CADPS2: variants seen among roughly 807,000 people sequenced by gnomAD.
CADPS2 encodes calcium-dependent secretion activator 2.
A neutral mutation model predicts 172.5 loss-of-function variants in CADPS2; 93 were observed. That is an observed-to-expected ratio of 0.54 (90% CI 0.46 to 0.64). The LOEUF (loss-of-function observed/expected upper bound fraction) is 0.64, where lower values mean the gene tolerates loss of function less well. Among genes scored for constraint, CADPS2 ranks in the 30% least tolerant of loss-of-function variants. CADPS2 has a pLI of 0.00. For synonymous variants in CADPS2, 546 were observed against 555.2 expected (o/e 0.98, Z 0.23); for missense variants, 1,420 against 1,565.9 (o/e 0.91, Z 1.57).
intron 2 of CADPS2, among the ~76,000 whole-genome samples, chr7:122,686,640 A>C (rs1258143870): frequency 2.0e-5 from 3 of 152,190 alleles, no homozygotes; most frequent in Non-Finnish European, 4.4e-5. Flanking sequence ...AAGTGAATGC[A>C]GGTGGTCTGA....
intron 20 of CADPS2, among the ~76,000 whole-genome samples, chr7:122,406,654 T>C (rs911118362): frequency 8.5e-5 from 13 of 152,190 alleles, no homozygotes; most frequent in Non-Finnish European, 1.8e-4. Context: ...GACAGAGTTG[T>C]TTTATATAGG....
At chr7:122,351,935 T>C (rs193103732) in intron 27 of CADPS2, among the ~76,000 whole-genome samples, 2 of 152,288 alleles carry the variant, frequency 1.3e-5, no homozygotes, top group African/African-American at 4.8e-5. Flanking sequence ...ATGGGGAAAA[T>C]CCTTTCAAAG....
chr7:122,698,471 C>A, intron 2 of CADPS2: 1 of 1,613,908 alleles, frequency 6.2e-7, no homozygotes, highest in Non-Finnish European at 8.5e-7. Context: ...ACCACAACGA[C>A]ATCTTCAAAT....
intron 27 of CADPS2, among the ~76,000 whole-genome samples, chr7:122,351,200 C>T (rs1482238917): frequency 1.3e-5 from 2 of 150,574 alleles, no homozygotes; most frequent in Non-Finnish European, 3.0e-5. Context: ...TACTAAACAT[C>T]GTCTCTACTA....
chr7:122,695,488 G>C (rs1378002831), intron 2 of CADPS2, among the ~76,000 whole-genome samples: 1 of 152,072 alleles, frequency 6.6e-6, no homozygotes, highest in Non-Finnish European at 1.5e-5. Flanking sequence ...AGAGTAAAAG[G>C]GGTTTATTGA....
intron 3 of CADPS2, among the ~76,000 whole-genome samples, chr7:122,636,938 G>A (rs2077123473): frequency 1.3e-5 from 2 of 151,956 alleles, no homozygotes; most frequent in Admixed American, 6.6e-5. Flanking sequence ...ATCCTCTAAT[G>A]TTTTCCAAGT....
chr7:122,660,391 A>G (rs1464960403), intron 3 of CADPS2, among the ~76,000 whole-genome samples: 1 of 152,166 alleles, frequency 6.6e-6, no homozygotes, highest in African/African-American at 2.4e-5. Context: ...AAAAAAATGT[A>G]TAAGCAGTAC....
chr7:122,780,759 C>G (rs995183813), intron 1 of CADPS2, among the ~76,000 whole-genome samples: 1 of 152,196 alleles, frequency 6.6e-6, no homozygotes, highest in Admixed American at 6.5e-5. Flanking sequence ...TCTTCCACCT[C>G]AGCCTCCCAA....
intron 9 of CADPS2, among the ~76,000 whole-genome samples, chr7:122,495,848 A>G (rs2058692636): frequency 6.6e-6 from 1 of 152,080 alleles, no homozygotes. Context: ...GCCAACTTTG[A>G]TGGGTGGGAA....
rs1814001642 is a variant in CADPS2, at chr7:122,852,677, G to A, written c.339+33322C>T. Among the ~76,000 whole-genome samples the A allele has an allele frequency of 2.6e-5, 4 of 152,138 alleles. No homozygotes were observed. The South Asian group carries it at 8.3e-4, about 31-fold the overall frequency. ...TGGCAGTTCCACGAACAGCAAAGAG[G>A]CAAGTTTTAGCTGGAGCAGAGAGAG... On this transcript the variant is annotated intron_variant, in intron 1 of 29. Coordinates refer to ENST00000449022, the MANE Select transcript of CADPS2 (RefSeq NM_017954.11).
At chr7:122,416,907 A>C (rs776656073) in intron 17 of CADPS2, among the ~76,000 whole-genome samples, 4 of 152,240 alleles carry the variant, frequency 2.6e-5, no homozygotes, top group Non-Finnish European at 5.9e-5. Flanking sequence ...GCAGAAATTA[A>C]AGAAGCCCTG....
chr7:122,568,889 C>T (rs1174552690), intron 7 of CADPS2, among the ~76,000 whole-genome samples: 4 of 151,820 alleles, frequency 2.6e-5, no homozygotes, highest in South Asian at 2.1e-4. Flanking sequence ...AAGAGAATAA[C>T]GAGAGCTATC....
intron 1 of CADPS2, among the ~76,000 whole-genome samples, chr7:122,739,857 C>T (rs1039355935): frequency 6.6e-6 from 1 of 152,022 alleles, no homozygotes; most frequent in East Asian, 1.9e-4. Flanking sequence ...AAGAGATAGA[C>T]CAGTGGAACA....
intron 1 of CADPS2, among the ~76,000 whole-genome samples, chr7:122,851,020 T>C (rs1813426576): frequency 6.6e-6 from 1 of 152,250 alleles, no homozygotes; most frequent in African/African-American, 2.4e-5. Context: ...TACAATGAGA[T>C]AGTTGTGTCT....
intron 2 of CADPS2, among the ~76,000 whole-genome samples, chr7:122,708,310 T>C (rs1011207405): frequency 1.2e-4 from 18 of 151,694 alleles, no homozygotes; most frequent in African/African-American, 4.1e-4. Context: ...TATCCAGTAA[T>C]ATTCCTTATG....
At chr7:122,719,048 C>G (rs1244484917) in intron 2 of CADPS2, among the ~76,000 whole-genome samples, 3 of 152,050 alleles carry the variant, frequency 2.0e-5, no homozygotes, top group Non-Finnish European at 4.4e-5. Flanking sequence ...GGAAAAGCCA[C>G]AGGTAAATCC....
At chr7:122,373,132 A>C (rs1433290990) in intron 25 of CADPS2, among the ~76,000 whole-genome samples, 1 of 152,134 alleles carries the variant, frequency 6.6e-6, no homozygotes, top group East Asian at 1.9e-4. Flanking sequence ...TAAAAAAGTC[A>C]TTTCTTCCTT....
At chr7:122,840,403 A>G (rs1205789200) in intron 1 of CADPS2, among the ~76,000 whole-genome samples, 1 of 152,148 alleles carries the variant, frequency 6.6e-6, no homozygotes, top group African/African-American at 2.4e-5. Context: ...CGTTTTGCAC[A>G]TGTACCCTAG....
At chr7:122,534,988 T>C (rs1207543546) in intron 8 of CADPS2, among the ~76,000 whole-genome samples, 1 of 152,102 alleles carries the variant, frequency 6.6e-6, no homozygotes, top group East Asian at 1.9e-4. Flanking sequence ...CCAATGTGCT[T>C]TGAAAGCTGA....
Sources: allele counts gnomAD v4.1 joint callset (sites outside exome capture counted in the v4.1 genomes callset), GRCh38; gene constraint gnomAD v4.1.1; transcripts MANE v1.5; gene names NCBI Gene and HGNC (gene_info 2026-07-23, HGNC 2026-07-21).